GALNT13: variants seen among roughly 807,000 people sequenced by gnomAD.
GALNT13 encodes the protein polypeptide N-acetylgalactosaminyltransferase 13, also known as UDP-GalNAc:polypeptide N-acetylgalactosaminyltransferase 13.
A neutral mutation model predicts 64.2 loss-of-function variants in GALNT13; 28 were observed. That is an observed-to-expected ratio of 0.44 (90% CI 0.32 to 0.60). The LOEUF is 0.60. GALNT13 is among the 20% of genes least tolerant of loss of function. The pLI is 0.05. For synonymous variants in GALNT13, 214 were observed against 224.6 expected, an observed-to-expected ratio of 0.95 and a Z score of 0.42; for missense variants, 577 against 669.8, an observed-to-expected ratio of 0.86 and a Z score of 1.53.
chr2:154,397,829 G>A (rs1348985976), intron 10 of GALNT13, among the ~76,000 whole-genome samples: 2 of 152,110 alleles, frequency 1.3e-5, no homozygotes, highest in African/African-American at 4.8e-5. Flanking sequence ...AAAATTTCAT[G>A]TGTAATAGCA....
At chr2:153,493,751 T>C in the GALNT13 span, among the ~76,000 whole-genome samples, 4 of 152,062 alleles carry the variant, frequency 2.6e-5, no homozygotes, top group South Asian at 8.3e-4. Context: ...AAATATTAGC[T>C]AATCAAAGCC....
At chr2:154,259,942 G>T (rs1018304358) in intron 8 of GALNT13, among the ~76,000 whole-genome samples, 1 of 152,086 alleles carries the variant, frequency 6.6e-6, no homozygotes, top group East Asian at 1.9e-4. Context: ...GTACAGTGGT[G>T]CAATTTCAGG....
chr2:153,256,327 T>C, the GALNT13 span, among the ~76,000 whole-genome samples: 1 of 152,340 alleles, frequency 6.6e-6, no homozygotes, highest in Non-Finnish European at 1.5e-5. Flanking sequence ...TCAGCTCCTT[T>C]AAGCACTTCT....
At chr2:153,294,675 CTGT>C in the GALNT13 span, among the ~76,000 whole-genome samples, 1 of 152,068 alleles carries the variant, frequency 6.6e-6, no homozygotes, top group East Asian at 1.9e-4. Context: ...AGGATATTTT[CTGT>C]TGGTGGATGG....
rs1023796535 is a variant in GALNT13, at chr2:154,396,012, G to A, written c.1178G>A (p.Gly393Glu). 6 of 1,606,654 alleles carry A rather than the reference G, an allele frequency of 3.7e-6. No individual in the cohort carries two copies. The highest frequency in any genetic ancestry group is 5.1e-6 in the Non-Finnish European group (6 of 1,177,096). Residue 393 changes from glycine (G) to glutamate (E), a missense_variant, in exon 10 of 13, where the codon GGA becomes GAA. Gly to Glu is a moderately conservative substitution (Grantham distance 98, BLOSUM62 -2). This residue lies in a region of GALNT13 where 232 missense variants were observed against 270.6 expected (regional missense o/e 0.86). Coordinates refer to ENST00000392825, the MANE Select transcript of GALNT13 (RefSeq NM_052917.4). ...CCAGGTGTTGTCAAAGTGGATTATG[G>A]AGATGTGTCAGTCAGAAAAACACTA... ...ISPGVVKVDYGDVSVRKTLRE... is the reference protein window; with the variant it reads ...ISPGVVKVDYEDVSVRKTLRE...
chr2:153,204,920 G>T, the GALNT13 span, among the ~76,000 whole-genome samples: 3 of 152,062 alleles, frequency 2.0e-5, no homozygotes, highest in Admixed American at 6.6e-5. Flanking sequence ...TTTAACTACT[G>T]TATCTTGTTG....
At chr2:153,386,998 A>G in the GALNT13 span, among the ~76,000 whole-genome samples, 166 of 152,206 alleles carry the variant, frequency 1.1e-3, no homozygotes, top group Non-Finnish European at 2.0e-3. Context: ...CAAACATTTC[A>G]TTGTTGACAA....
intron 11 of GALNT13, among the ~76,000 whole-genome samples, chr2:154,434,272 T>A (rs1169828985): frequency 6.6e-6 from 1 of 152,032 alleles, no homozygotes; most frequent in Non-Finnish European, 1.5e-5. Context: ...GGTTTGTTTG[T>A]TTTTTTTAGA....
the GALNT13 span, among the ~76,000 whole-genome samples, chr2:153,156,788 G>C: frequency 6.6e-6 from 1 of 152,138 alleles, no homozygotes; most frequent in Non-Finnish European, 1.5e-5. Context: ...TGCAGAATGA[G>C]GATTTAAAGA....
At chr2:153,438,614 G>A in the GALNT13 span, among the ~76,000 whole-genome samples, 4 of 151,708 alleles carry the variant, frequency 2.6e-5, no homozygotes, top group South Asian at 6.2e-4. Flanking sequence ...CCAGTTGATC[G>A]CATTGGCTAC....
intron 9 of GALNT13, among the ~76,000 whole-genome samples, chr2:154,371,499 A>T (rs1697683716): frequency 6.6e-6 from 1 of 152,114 alleles, no homozygotes; most frequent in Non-Finnish European, 1.5e-5. Flanking sequence ...AATAGAAAAT[A>T]CAAGAGGATA....
the GALNT13 span, among the ~76,000 whole-genome samples, chr2:153,733,440 A>G: frequency 9.9e-5 from 15 of 152,174 alleles, no homozygotes; most frequent in Non-Finnish European, 1.9e-4. Flanking sequence ...TATATGTAGA[A>G]TGATTTTCTT....
chr2:154,378,278 C>T (rs910146378), intron 9 of GALNT13, among the ~76,000 whole-genome samples: 2 of 152,116 alleles, frequency 1.3e-5, no homozygotes, highest in Admixed American at 6.6e-5. Context: ...TTATCACAAA[C>T]GTTACTGAGA....
chr2:154,025,042 G>A (rs138095727), intron 3 of GALNT13, among the ~76,000 whole-genome samples: 136 of 152,270 alleles, frequency 8.9e-4, no homozygotes, highest in African/African-American at 2.9e-3. Flanking sequence ...CTGCCTGATC[G>A]TTCCTCTGGA....
chr2:154,191,038 T>G (rs1254067249), intron 4 of GALNT13, among the ~76,000 whole-genome samples: 1 of 152,184 alleles, frequency 6.6e-6, no homozygotes, highest in Admixed American at 6.5e-5. Context: ...ACTGTGCAAA[T>G]CTACCATCCT....
In GALNT13 at chr2:153,942,783, G is replaced by A. The variant is rs16835440; in HGVS notation, c.-104-1611G>A. Among the ~76,000 whole-genome samples, 1,188 of 151,990 alleles carry A rather than the reference G, an allele frequency of 7.8e-3. 16 individuals carry two copies. Among genetic ancestry groups the A allele is most frequent in the African/African-American group, 0.027 (1,127 of 41,486 alleles). ...CTGTTACAATAATTATTTTGTAACTGGCGCTTTATGTGAATTTTGAATTTG... is the reference window on the plus strand; with the variant it reads ...CTGTTACAATAATTATTTTGTAACTAGCGCTTTATGTGAATTTTGAATTTG... On this transcript the variant is annotated intron_variant, in intron 2 of 12. Transcript: ENST00000392825.
the GALNT13 span, among the ~76,000 whole-genome samples, chr2:153,648,700 C>T: frequency 2.0e-5 from 3 of 152,166 alleles, no homozygotes; most frequent in East Asian, 3.9e-4. Context: ...TGTTGAAGGC[C>T]TTTTCTGCAT....
At chr2:153,807,191 C>T in the GALNT13 span, among the ~76,000 whole-genome samples, 1 of 151,860 alleles carries the variant, frequency 6.6e-6, no homozygotes, top group South Asian at 2.1e-4. Flanking sequence ...ATGACATACT[C>T]ATGTATATCC....
the GALNT13 span, among the ~76,000 whole-genome samples, chr2:153,855,357 T>G: frequency 1.3e-5 from 2 of 152,034 alleles, no homozygotes; most frequent in Non-Finnish European, 2.9e-5. Context: ...CTTTTATAAT[T>G]GAATAATGAA....
Sources: allele counts gnomAD v4.1 joint callset (sites outside exome capture counted in the v4.1 genomes callset), GRCh38; gene constraint gnomAD v4.1.1; regional missense constraint gnomAD v4.1.1; transcripts MANE v1.5; gene names NCBI Gene and HGNC (gene_info 2026-07-23, HGNC 2026-07-21).